The following FNDC1 variants were observed in gnomAD, a reference collection of about 807,000 sequenced individuals.
The protein encoded by FNDC1 is fibronectin type III domain containing 1.
In FNDC1, 96 loss-of-function variants were observed where a neutral mutation model predicts 168.0. That is an observed-to-expected ratio of 0.57 (90% confidence interval 0.48 to 0.68). The LOEUF is 0.68. Ranked by LOEUF, FNDC1 falls within the 30% of genes least tolerant of loss-of-function variation. The pLI is 0.00. For missense variants in FNDC1, 2,587 were observed against 2,482.1 expected (o/e 1.04, Z -0.90); for synonymous variants, 1,099 against 1,025.9 (o/e 1.07, Z -1.36).
rs1777554121 is a variant in FNDC1, at chr6:159,264,601, A to G, written c.5255-374A>G. On this transcript the variant is annotated intron_variant, in intron 19 of 22. Transcript: ENST00000297267. ...CATATGTTTCCATTTCTCTTGGATA[A>G]ATGACTGAGTGGAATGGATGGATTT... Among the ~76,000 whole-genome samples, 2 of 152,192 alleles carry G rather than the reference A, an allele frequency of 1.3e-5. 1 individual carries two copies. Among genetic ancestry groups the G allele is most frequent in the South Asian group, 4.1e-4 (2 of 4,832 alleles).
intron 20 of FNDC1, among the ~76,000 whole-genome samples, chr6:159,265,703 G>A (rs548104095): frequency 6.6e-6 from 1 of 152,314 alleles, no homozygotes; most frequent in East Asian, 1.9e-4. Flanking sequence ...GCCAAGGTGG[G>A]CGGATTGCGA....
At position 159,233,153 on chromosome 6, in the gene FNDC1, G is replaced by A. The variant is rs1205394263; in HGVS notation, c.2641G>A (p.Asp881Asn). The A allele has an allele frequency of 6.2e-7, 1 of 1,607,102 alleles. No individual in the cohort carries two copies. ...CTCAGGTATCCATGGAGACGAGGAG[G>A]ATGAGAAGCCGCTTCCTGCCACCGT... ...LSSGIHGDEE[D>N]EKPLPATVVN... Residue 881 changes from aspartate (D) to asparagine (N), a missense_variant, in exon 11 of 23, where the codon GAT becomes AAT. Coordinates refer to ENST00000297267, the MANE Select transcript of FNDC1 (RefSeq NM_032532.3). This position sits in a 1 kb window ranked among gnomAD's most constrained non-coding sequence, Gnocchi z 4.6.
intron 4 of FNDC1, among the ~76,000 whole-genome samples, chr6:159,201,026 C>T (rs1782367935): frequency 1.3e-5 from 2 of 152,232 alleles, no homozygotes; most frequent in African/African-American, 4.8e-5. Flanking sequence ...TGTTAGACGA[C>T]CTACCTTCCA....
chr6:159,239,251 G>A (rs1783343455), intron 13 of FNDC1, among the ~76,000 whole-genome samples: 1 of 152,124 alleles, frequency 6.6e-6, no homozygotes. Flanking sequence ...GCCCTTTACA[G>A]AAGAAGTTTT....
chr6:159,217,777 G>C (rs1232902641), intron 5 of FNDC1, among the ~76,000 whole-genome samples: 1 of 152,212 alleles, frequency 6.6e-6, no homozygotes, highest in Non-Finnish European at 1.5e-5. Context: ...GCAAAAAGGA[G>C]ACCAGCCACC....
At chr6:159,236,453 A>G in intron 12 of FNDC1, 138 bp downstream of exon 12, 4 of 621,052 alleles carry the variant, frequency 6.4e-6, no homozygotes, top group East Asian at 5.7e-5. Flanking sequence ...ATGTACTTGT[A>G]TAGAGTTTAT....
At position 159,267,820 on chromosome 6, in the gene FNDC1, T is replaced by A. The variant is rs749862387; in HGVS notation, c.5463T>A (p.Ile1821=). 1 of 1,613,840 alleles carries A rather than the reference T, an allele frequency of 6.2e-7. No individual in the cohort carries two copies. Among genetic ancestry groups the A allele is most frequent in the Non-Finnish European group, 8.5e-7 (1 of 1,179,844 alleles). Reference sequence around the variant, plus strand: ...TTCATGCAGATACATTCTACAGCATTGGAGACAGCTGGGGAAGAGGTGAAG... The same window carrying A: ...TTCATGCAGATACATTCTACAGCATAGGAGACAGCTGGGGAAGAGGTGAAG... ...SDNLKDTFYS[I]GDSWGRGEDH... Residue 1821 remains isoleucine (I), a synonymous_variant, in exon 22 of 23, where the codon ATT becomes ATA. Transcript: ENST00000297267.
intron 19 of FNDC1, among the ~76,000 whole-genome samples, chr6:159,263,094 G>A (rs532665160): frequency 2.6e-5 from 4 of 152,292 alleles, no homozygotes; most frequent in South Asian, 2.1e-4. Context: ...GGGTTTTGTC[G>A]TCTGTGCTGG....
chr6:159,171,490 C>T (rs1781659167), intron 1 of FNDC1, among the ~76,000 whole-genome samples: 1 of 152,142 alleles, frequency 6.6e-6, no homozygotes, highest in Non-Finnish European at 1.5e-5. Context: ...ACCAAGCGAG[C>T]TGCTTGTGTC....
intron 17 of FNDC1, among the ~76,000 whole-genome samples, chr6:159,253,998 AG>A (rs1470423469): frequency 2.0e-5 from 3 of 152,312 alleles, no homozygotes; most frequent in African/African-American, 7.2e-5. Flanking sequence ...TGCCGTGAGG[AG>A]GGCAGCAACT....
intron 22 of FNDC1, among the ~76,000 whole-genome samples, chr6:159,271,004 C>T (rs868203067): frequency 1.3e-5 from 2 of 152,204 alleles, no homozygotes; most frequent in African/African-American, 4.8e-5. Flanking sequence ...TACACTTAGT[C>T]ACTGGGTTCC....
At chr6:159,267,401 C>T (rs1394941034) in intron 21 of FNDC1, among the ~76,000 whole-genome samples, 2 of 152,182 alleles carry the variant, frequency 1.3e-5, no homozygotes, top group Non-Finnish European at 2.9e-5. Context: ...GGCCCGCCCC[C>T]TCCTAGTTAC....
chr6:159,262,398 A>G (rs939755074), intron 19 of FNDC1, among the ~76,000 whole-genome samples: 1 of 152,226 alleles, frequency 6.6e-6, no homozygotes, highest in Non-Finnish European at 1.5e-5. Flanking sequence ...TTTATACCAG[A>G]AATGTAGGCA....
At position 159,266,109 on chromosome 6, in the gene FNDC1, C is replaced by T. The variant is rs370002634; in HGVS notation, c.5310C>T (p.Phe1770=). 3.2e-4 allele frequency: 515 copies of T among 1,613,740 alleles called. No homozygotes were observed. Among genetic ancestry groups the T allele is most frequent in the Middle Eastern group, 8.2e-4 (5 of 6,062 alleles). Residue 1770 remains phenylalanine (F), a synonymous_variant, in exon 21 of 23, where the codon TTC becomes TTT. Transcript: ENST00000297267. The part of the protein sequence containing the change: ...PPGGEPIWIP[F]AFKHDPSYTD... ...GCGGTGAGCCTATCTGGATCCCATT[C>T]GCTTTCAAACATGATCCCAGCTACA... is the stretch of plus-strand genomic sequence containing the variant.
intron 1 of FNDC1, among the ~76,000 whole-genome samples, chr6:159,174,382 A>C (rs1781721611): frequency 6.6e-6 from 1 of 152,248 alleles, no homozygotes; most frequent in African/African-American, 2.4e-5. Flanking sequence ...ATCCTTGCTT[A>C]TGAAAAACCT....
intron 19 of FNDC1, among the ~76,000 whole-genome samples, chr6:159,263,503 C>T (rs906533015): frequency 7.2e-5 from 11 of 152,180 alleles, no homozygotes; most frequent in African/African-American, 2.7e-4. Context: ...TGGCTCACTC[C>T]TGTAATCCCA....
chr6:159,213,706 A>C lies in FNDC1; in HGVS notation c.461-1239A>C, dbSNP rs560880259. 5.6e-3 allele frequency among the ~76,000 whole-genome samples: 857 copies of C among 152,310 alleles called. 4 individuals are homozygous for C. The highest frequency in any genetic ancestry group is 0.015 in the East Asian group (77 of 5,182). ...CTATACTTTTGGACTAAAAACAAAA[A>C]AAAAAAAACCTTTAAAACAATTACT... On this transcript the variant is annotated intron_variant, in intron 4 of 22. Coordinates refer to ENST00000297267, the MANE Select transcript of FNDC1 (RefSeq NM_032532.3).
chr6:159,223,354 TAC>T (rs1417553142), intron 6 of FNDC1, among the ~76,000 whole-genome samples, 172 bp from the exon 7 acceptor site: 4 of 152,112 alleles, frequency 2.6e-5, no homozygotes, highest in Admixed American at 1.3e-4. Flanking sequence ...TTTGTTTTTC[TAC>T]ACTGACCAAT....
intron 1 of FNDC1, among the ~76,000 whole-genome samples, chr6:159,174,014 GC>G (rs1006447072): frequency 6.6e-6 from 1 of 152,076 alleles, no homozygotes; most frequent in East Asian, 1.9e-4. Context: ...CTTTTCATTG[GC>G]CCCCCATGGA....
Sources: allele counts gnomAD v4.1 joint callset (sites outside exome capture counted in the v4.1 genomes callset), GRCh38; gene constraint gnomAD v4.1.1; non-coding constraint Gnocchi (gnomAD v3.1); transcripts MANE v1.5; gene names NCBI Gene and HGNC (gene_info 2026-07-23, HGNC 2026-07-21).